Variants in SETBP1 observed in about 807,000 individuals in gnomAD.
SETBP1 encodes SET binding protein 1, also known as SET-binding protein.
SETBP1 carries 9 observed loss-of-function variants against 101.0 expected under a neutral mutation model. The ratio of observed to expected loss-of-function variants is 0.09; its 90% CI spans 0.05 to 0.16. The LOEUF (loss-of-function observed/expected upper bound fraction) is 0.16. SETBP1 is among the 10% of genes least tolerant of loss of function. The probability of loss-of-function intolerance (pLI) is 1.00; values close to 1 mark genes in which losing one functional copy is unlikely to be tolerated. For missense variants in SETBP1, 1,858 were observed against 2,033.8 expected (o/e 0.91, Z 1.66); for synonymous variants, 818 against 788.5 (o/e 1.04, Z -0.63).
chr18:44,986,863 A>G (rs2072247091), intron 4 of SETBP1: 1 of 151,984 alleles, frequency 6.6e-6, no homozygotes, highest in Admixed American at 6.6e-5. Context: ...TTTTTTTTAT[A>G]AGTAGAAGGA....
chr18:44,793,605 G>A (rs1441908530), intron 2 of SETBP1, among the ~76,000 whole-genome samples: 2 of 152,224 alleles, frequency 1.3e-5, no homozygotes, highest in African/African-American at 4.8e-5. Context: ...TCTTATGCAT[G>A]AGACAGTTTG....
chr18:44,980,284 G>C (rs1436018080), intron 4 of SETBP1, among the ~76,000 whole-genome samples: 1 of 152,124 alleles, frequency 6.6e-6, no homozygotes, highest in African/African-American at 2.4e-5. Flanking sequence ...ACAGTAAACT[G>C]TTTTTAGGGC....
chr18:44,863,571 G>A (rs1446956530), intron 2 of SETBP1, among the ~76,000 whole-genome samples: 1 of 152,182 alleles, frequency 6.6e-6, no homozygotes, highest in Non-Finnish European at 1.5e-5. Flanking sequence ...TAAGAAGTGA[G>A]TAACACTTTA....
chr18:44,737,482 A>G (rs2069995106), intron 2 of SETBP1, among the ~76,000 whole-genome samples: 1 of 152,174 alleles, frequency 6.6e-6, no homozygotes, highest in African/African-American at 2.4e-5. Context: ...TGCTTACTTA[A>G]TATTGTACAA....
intron 4 of SETBP1, among the ~76,000 whole-genome samples, chr18:44,965,461 C>T (rs2071702155): frequency 1.3e-5 from 2 of 152,106 alleles, no homozygotes; most frequent in Non-Finnish European, 2.9e-5. Context: ...ATATAAATAT[C>T]CTAGTATATC....
intron 4 of SETBP1, among the ~76,000 whole-genome samples, chr18:45,009,418 T>A (rs2072792903): frequency 6.6e-6 from 1 of 151,590 alleles, no homozygotes; most frequent in African/African-American, 2.4e-5. Context: ...GGGCATTATA[T>A]AACCTCAACG....
chr18:44,889,742 A>G (rs1285661972), intron 3 of SETBP1, among the ~76,000 whole-genome samples: 1 of 152,192 alleles, frequency 6.6e-6, no homozygotes, highest in Non-Finnish European at 1.5e-5. Flanking sequence ...GTATATATAC[A>G]TAGAAAGAAC....
rs2068751851 is a variant in SETBP1 at position 44,681,007 on chromosome 18, G to A, written c.-187G>A. The A allele has an allele frequency of 6.6e-6, 1 of 152,244 alleles. No homozygotes were observed. The highest frequency in any genetic ancestry group is 6.5e-5 in the Admixed American group (1 of 15,278). The allele number at this position is 152,244 out of a possible 1,614,324, so 9.4% of individuals were successfully genotyped here. ...TAGAAAGAAGAACAGGCAAGAAGTG[G>A]TCCAGCCGGCGAAGGTTGGTGTGTG... On this transcript the variant is annotated 5_prime_UTR_variant, in exon 1 of 6. Coordinates refer to ENST00000649279, the MANE Select transcript of SETBP1 (RefSeq NM_015559.3).
At chr18:45,009,762 C>T (rs1242781930) in intron 4 of SETBP1, among the ~76,000 whole-genome samples, 1 of 152,144 alleles carries the variant, frequency 6.6e-6, no homozygotes, top group Non-Finnish European at 1.5e-5. Flanking sequence ...CAGACTGAGG[C>T]TCAGAGAGTG....
At chr18:44,688,670 G>A (rs564695199) in intron 1 of SETBP1, among the ~76,000 whole-genome samples, 21 of 152,026 alleles carry the variant, frequency 1.4e-4, no homozygotes, top group Admixed American at 2.6e-4. Context: ...GCCTGGCTGC[G>A]TCTCGAACTC....
At chr18:44,946,097 A>G (rs1182055298) in intron 3 of SETBP1, among the ~76,000 whole-genome samples, 6 of 152,190 alleles carry the variant, frequency 3.9e-5, no homozygotes, top group Non-Finnish European at 8.8e-5. Flanking sequence ...TGTTCTCTGG[A>G]CCTCTTAGAA....
intron 2 of SETBP1, among the ~76,000 whole-genome samples, chr18:44,831,117 A>C (rs944497766): frequency 6.6e-6 from 1 of 152,214 alleles, no homozygotes; most frequent in Non-Finnish European, 1.5e-5. Context: ...ACAGTTGTAA[A>C]CTTTGTAAAT....
chr18:45,012,648 A>G (rs1032318976), intron 4 of SETBP1, among the ~76,000 whole-genome samples: 7 of 152,180 alleles, frequency 4.6e-5, no homozygotes, highest in African/African-American at 1.7e-4. Flanking sequence ...AATGTGGTAT[A>G]TATGCACACA....
At chr18:45,028,207 G>C (rs2073211151) in intron 4 of SETBP1, among the ~76,000 whole-genome samples, 1 of 131,172 alleles carries the variant, frequency 7.6e-6, no homozygotes, top group South Asian at 2.3e-4. Context: ...TCCCCTTCCT[G>C]TGTCCATGTG....
intron 4 of SETBP1, among the ~76,000 whole-genome samples, chr18:44,989,905 AAAT>A (rs1206345156): frequency 0.022 from 1,913 of 85,112 alleles, 745 homozygotes; most frequent in African/African-American, 0.03. Context: ...AAAAAAAAAA[AAAT>A]TTATCTAAGT....
chr18:44,781,899 A>G (rs571003627), intron 2 of SETBP1, among the ~76,000 whole-genome samples: 105 of 152,334 alleles, frequency 6.9e-4, no homozygotes, highest in African/African-American at 2.5e-3. Flanking sequence ...TTGTGATTCT[A>G]TGACTTAAGG....
intron 2 of SETBP1, among the ~76,000 whole-genome samples, chr18:44,840,672 G>T (rs533219916): frequency 1.3e-5 from 2 of 152,288 alleles, no homozygotes; most frequent in East Asian, 3.9e-4. Flanking sequence ...ATGAAGAAAT[G>T]GTCCAACTCT....
chr18:44,988,957 G>C (rs958903641), intron 4 of SETBP1: 1 of 152,060 alleles, frequency 6.6e-6, no homozygotes, highest in East Asian at 1.9e-4. Flanking sequence ...GGAACCCTTA[G>C]GCACCTAACA....
rs756180174 is a variant in SETBP1 at position 44,742,947 on chromosome 18, T to TTC, written c.486+41138_486+41139dup. On this transcript the variant is annotated intron_variant, in intron 2 of 5. Transcript: ENST00000649279. Reference sequence around the variant, plus strand: ...CCTCATTGTGTCTGGCTCTCCCTCCTTCTCTCTCTCTCTCTCTCTCTCTCC... The same window carrying TTC: ...CCTCATTGTGTCTGGCTCTCCCTCCTTCTCTCTCTCTCTCTCTCTCTCTCTCC... Among the ~76,000 whole-genome samples the TTC allele has an allele frequency of 4.1e-3, 595 of 144,494 alleles. 3 individuals are homozygous for TTC. The highest frequency in any genetic ancestry group is 0.012 in the African/African-American group (468 of 39,036). The allele number at this position is 144,494 out of a possible 152,430, so 94.8% of individuals were successfully genotyped here.
Sources: gnomAD v4.1 joint callset for allele counts (sites outside exome capture counted in the v4.1 genomes callset) on GRCh38, gnomAD v4.1.1 for gene constraint, MANE v1.5 for transcripts, NCBI Gene and HGNC (gene_info 2026-07-23, HGNC 2026-07-21) for gene names.